DNAH14: variants seen among roughly 807,000 people sequenced by gnomAD.
DNAH14 encodes dynein axonemal heavy chain 14.
Under a neutral mutation model 520.9 loss-of-function variants are expected in DNAH14, and 478 were observed. The ratio of observed to expected loss-of-function variants is 0.92; its 90% CI spans 0.85 to 0.99. The LOEUF is 0.99. Among genes scored for constraint, DNAH14 ranks in the 50% least tolerant of loss-of-function variants. DNAH14 has a pLI of 0.00. For synonymous variants in DNAH14, 1,581 were observed against 1,757.2 expected, an observed-to-expected ratio of 0.90 and a Z score of 2.51; for missense variants, 4,831 against 5,234.5, an observed-to-expected ratio of 0.92 and a Z score of 2.38.
chr1:225,096,910 A>G (rs937250766), intron 21 of DNAH14, among the ~76,000 whole-genome samples: 1 of 152,178 alleles, frequency 6.6e-6, no homozygotes, highest in African/African-American at 2.4e-5. Flanking sequence ...TGTATAATAA[A>G]TATGACAGAA....
chr1:225,042,255 A>G (rs1354097424), intron 12 of DNAH14, among the ~76,000 whole-genome samples: 1 of 152,216 alleles, frequency 6.6e-6, no homozygotes, highest in Non-Finnish European at 1.5e-5. Flanking sequence ...ATTATTTATG[A>G]TGTAGGAAGG....
chr1:224,969,150 A>G (rs1471131484), intron 7 of DNAH14: 5 of 255,922 alleles, frequency 2.0e-5, no homozygotes, highest in Non-Finnish European at 3.0e-5. Context: ...GAAGAATGAG[A>G]TGTTCCATAA....
chr1:225,136,357 G>A lies in DNAH14; in HGVS notation c.4255-4411G>A, dbSNP rs147391219. Among the ~76,000 whole-genome samples the A allele has an allele frequency of 2.1e-3, 320 of 152,234 alleles. 1 individual carries two copies. The highest frequency in any genetic ancestry group is 6.8e-3 in the African/African-American group (282 of 41,550). On this transcript the variant is annotated intron_variant, in intron 27 of 85. Coordinates refer to ENST00000682510, the MANE Select transcript of DNAH14 (RefSeq NM_001367479.1). ...CTTGCAAGGCGGACCTGGTGACGAT[G>A]AATTCCCTGAGCATTTGCTTTTCTG...
At chr1:225,242,149 G>T (rs1038091105) in intron 43 of DNAH14, among the ~76,000 whole-genome samples, 2 of 152,050 alleles carry the variant, frequency 1.3e-5, no homozygotes, top group Non-Finnish European at 2.9e-5. Flanking sequence ...TGAGAGGATC[G>T]CTTGAGCCCA....
At chr1:225,335,437 G>GTGTGTATGCACATATACACGTGTGTACA (rs1558429279) in intron 66 of DNAH14, among the ~76,000 whole-genome samples, 5 of 77,462 alleles carry the variant, frequency 6.5e-5, no homozygotes, top group African/African-American at 2.6e-4. Context: ...GTGTGTACAT[G>GTGTGTATGCACATATACACGTGTGTACA]TGTGTGTATG....
chr1:225,190,677 A>G (rs1219715155), intron 37 of DNAH14, among the ~76,000 whole-genome samples: 2 of 152,010 alleles, frequency 1.3e-5, no homozygotes, highest in Admixed American at 1.3e-4. Flanking sequence ...AAATTTACAA[A>G]CACAAAGTGA....
chr1:225,052,222 G>T (rs2068607262), intron 17 of DNAH14, among the ~76,000 whole-genome samples: 1 of 152,060 alleles, frequency 6.6e-6, no homozygotes, highest in South Asian at 2.1e-4. Flanking sequence ...GTATATTAGG[G>T]CTGACCTCTT....
At chr1:225,085,493 T>C (rs1349678386) in intron 20 of DNAH14, 51 bp from the exon 21 acceptor site, 3 of 1,441,756 alleles carry the variant, frequency 2.1e-6, no homozygotes, top group East Asian at 5.0e-5. Context: ...TTTGGACATA[T>C]CAGGAATTAT....
intron 23 of DNAH14, among the ~76,000 whole-genome samples, chr1:225,116,357 G>T (rs2076873405): frequency 6.6e-6 from 1 of 152,198 alleles, no homozygotes; most frequent in Non-Finnish European, 1.5e-5. Flanking sequence ...GGGGCAATGA[G>T]AATAGATATT....
At chr1:225,221,799 A>G (rs1166662272) in intron 41 of DNAH14, among the ~76,000 whole-genome samples, 2 of 152,186 alleles carry the variant, frequency 1.3e-5, no homozygotes, top group Non-Finnish European at 2.9e-5. Flanking sequence ...GGGCATAGGT[A>G]TAAAGGAATG....
chr1:225,108,270 C>T (rs941815558), intron 23 of DNAH14, among the ~76,000 whole-genome samples: 2 of 152,312 alleles, frequency 1.3e-5, no homozygotes, highest in South Asian at 2.1e-4. Context: ...GGCCTTCAGC[C>T]ACAGACTGAA....
At chr1:225,330,057 A>C (rs1244355171) in intron 64 of DNAH14, among the ~76,000 whole-genome samples, 1 of 152,214 alleles carries the variant, frequency 6.6e-6, no homozygotes, top group Non-Finnish European at 1.5e-5. Context: ...AAAGGTGCTC[A>C]ATATCATTGA....
intron 15 of DNAH14, among the ~76,000 whole-genome samples, chr1:225,046,010 C>A (rs2067923624): frequency 6.6e-6 from 1 of 151,848 alleles, no homozygotes; most frequent in East Asian, 1.9e-4. Flanking sequence ...AATTAGAATT[C>A]TTCTGTAAGG....
chr1:225,074,899 G>A (rs1050806207), intron 17 of DNAH14, among the ~76,000 whole-genome samples: 8 of 152,306 alleles, frequency 5.3e-5, no homozygotes, highest in African/African-American at 1.9e-4. Context: ...ATCCTGTGAG[G>A]CATCGTGAAA....
intron 44 of DNAH14, among the ~76,000 whole-genome samples, chr1:225,253,304 A>G (rs2092622706): frequency 2.0e-5 from 3 of 152,162 alleles, no homozygotes; most frequent in Admixed American, 6.6e-5. Context: ...ACTGAATATC[A>G]TTTGCATGTG....
At chr1:225,339,168 A>C (rs1287079123) in intron 68 of DNAH14, among the ~76,000 whole-genome samples, 1 of 148,150 alleles carries the variant, frequency 6.7e-6, no homozygotes, top group Non-Finnish European at 1.5e-5. Flanking sequence ...AAAATTAGCC[A>C]GGTGTGGTGG....
At chr1:225,300,307 C>G (rs2094114223) in intron 55 of DNAH14, among the ~76,000 whole-genome samples, 1 of 152,186 alleles carries the variant, frequency 6.6e-6, no homozygotes, top group Admixed American at 6.5e-5. Flanking sequence ...GTGCCTGTCA[C>G]AGCTATTTGG....
chr1:225,203,846 C>T lies in DNAH14; in HGVS notation c.5887-337C>T, dbSNP rs571388837. 6.6e-5 allele frequency among the ~76,000 whole-genome samples: 10 copies of T among 151,856 alleles called. No homozygotes were observed. The South Asian group carries it at 2.1e-3, about 32-fold the overall frequency. On this transcript the variant is annotated intron_variant, in intron 38 of 85. Transcript: ENST00000682510. ...GAAGGAAAGTCTAGAAAAAAAAATA[C>T]ACCAAAATATGTATGGTGATTGTCT...
intron 75 of DNAH14, among the ~76,000 whole-genome samples, chr1:225,363,960 G>T (rs1009259282): frequency 1.3e-5 from 2 of 152,142 alleles, no homozygotes; most frequent in Non-Finnish European, 2.9e-5. Flanking sequence ...TCAATGTGAG[G>T]CTGGTTGAAT....
Sources: allele counts gnomAD v4.1 joint callset (sites outside exome capture counted in the v4.1 genomes callset), GRCh38; gene constraint gnomAD v4.1.1; transcripts MANE v1.5; gene names NCBI Gene and HGNC (gene_info 2026-07-23, HGNC 2026-07-21).